SYT2: variants seen among roughly 807,000 people sequenced by gnomAD.
SYT2 encodes synaptotagmin-2.
SYT2 carries 15 observed loss-of-function variants against 39.9 expected under a neutral mutation model. The observed-to-expected ratio is 0.38, with a 90% CI of 0.25 to 0.58. The LOEUF is 0.58. Among genes scored for constraint, SYT2 ranks in the 20% least tolerant of loss-of-function variants. The pLI is 0.70. For missense variants in SYT2, 389 were observed against 530.3 expected (o/e 0.73, Z 2.62); for synonymous variants, 181 against 204.5 (o/e 0.89, Z 0.98).
rs538324691 is a variant in SYT2, at chr1:202,673,962, G to A, written c.-18+36296C>T. Among the ~76,000 whole-genome samples the A allele has an allele frequency of 1.8e-4, 27 of 152,170 alleles. 1 individual carries two copies. In the South Asian group the frequency reaches 3.7e-3, roughly 21 times the overall value. Reference sequence around the variant, plus strand: ...GTAGGAGTGGATATGGGAACCTGCCGTTACATACATGTGATATTTGTGTGT... The same window carrying A: ...GTAGGAGTGGATATGGGAACCTGCCATTACATACATGTGATATTTGTGTGT... On this transcript the variant is annotated intron_variant, in intron 1 of 8. Coordinates refer to ENST00000367268, the MANE Select transcript of SYT2 (RefSeq NM_177402.5).
chr1:202,666,839 G>A lies in SYT2; in HGVS notation c.-18+43419C>T, dbSNP rs148866187. ...TCTACCAGAAATACAAAAATTAGCC[G>A]GGTGTGATGGCAGGTGCCTGTGATC... On this transcript the variant is annotated intron_variant, in intron 1 of 8. Transcript: ENST00000367268. Among the ~76,000 whole-genome samples, 183 of 152,254 alleles carry A rather than the reference G, an allele frequency of 1.2e-3. 2 individuals carry two copies. In the Middle Eastern group the frequency reaches 0.014, roughly 11 times the overall value.
intron 1 of SYT2, among the ~76,000 whole-genome samples, chr1:202,680,750 C>T (rs1653503998): frequency 6.6e-6 from 1 of 152,150 alleles, no homozygotes; most frequent in South Asian, 2.1e-4. Flanking sequence ...AAGCCCTTGC[C>T]CCTATCCAAC....
intron 1 of SYT2, among the ~76,000 whole-genome samples, chr1:202,642,577 G>C (rs561223010): frequency 6.6e-6 from 1 of 152,178 alleles, no homozygotes; most frequent in African/African-American, 2.4e-5. Flanking sequence ...GAGCCGTGGC[G>C]CGTGTCAAAG....
chr1:202,654,008 G>A (rs1364476306), intron 1 of SYT2, among the ~76,000 whole-genome samples: 2 of 152,158 alleles, frequency 1.3e-5, no homozygotes, highest in Non-Finnish European at 2.9e-5. Context: ...GGGCTTCAAG[G>A]GCCCTGGCAG....
chr1:202,643,730 G>T lies in SYT2; in HGVS notation c.-17-37941C>A, dbSNP rs373394647. On this transcript the variant is annotated intron_variant, in intron 1 of 8. Coordinates refer to ENST00000367268, the MANE Select transcript of SYT2 (RefSeq NM_177402.5). ...AGGTGTGTGCGGGAGGGACTAGGCT[G>T]GGGGAGAGGGGTTTAAACTGGCGCG... Among the ~76,000 whole-genome samples the T allele has an allele frequency of 4.6e-5, 7 of 152,308 alleles. No individual in the cohort carries two copies. The East Asian group carries it at 5.8e-4, about 13-fold the overall frequency.
At chr1:202,683,834 T>A (rs186926875) in intron 1 of SYT2, among the ~76,000 whole-genome samples, 1 of 151,994 alleles carries the variant, frequency 6.6e-6, no homozygotes, top group Admixed American at 6.6e-5. Flanking sequence ...TTGGGGGAAA[T>A]TGAGGCATTT....
chr1:202,649,917 G>A (rs12042789), intron 1 of SYT2, among the ~76,000 whole-genome samples: 22,796 of 152,190 alleles, frequency 0.15, 2,247 homozygotes, highest in East Asian at 0.35. Context: ...GCCCAAGACC[G>A]CACAGCCAAC....
chr1:202,644,557 C>T (rs1194612621), intron 1 of SYT2, among the ~76,000 whole-genome samples: 7 of 152,138 alleles, frequency 4.6e-5, no homozygotes, highest in Admixed American at 2.0e-4. Flanking sequence ...CCCAGCTCCA[C>T]CCCATCCTCG....
chr1:202,610,692 G>A (rs1330444503), intron 1 of SYT2, among the ~76,000 whole-genome samples: 1 of 151,996 alleles, frequency 6.6e-6, no homozygotes, highest in African/African-American at 2.4e-5. Context: ...GACAAACAGA[G>A]AGCCAAATCA....
At chr1:202,650,435 C>T (rs1294608173) in intron 1 of SYT2, among the ~76,000 whole-genome samples, 1 of 143,262 alleles carries the variant, frequency 7.0e-6, no homozygotes, top group Non-Finnish European at 1.5e-5. Flanking sequence ...GTTTCATATG[C>T]TTTTGTTTTT....
rs1266292298 is a variant in SYT2, at chr1:202,601,107, C to A, written c.802-633G>T. ...AGGTTCCCAGAGGCCATGGTTTGCT[C>A]AAAGTCACACAACAATTTAGCACTG... On this transcript the variant is annotated intron_variant, in intron 6 of 8. Transcript: ENST00000367268. The surrounding 1 kb of genome is among the most constrained non-coding windows in gnomAD (Gnocchi z 4.0). Among the ~76,000 whole-genome samples the A allele has an allele frequency of 6.6e-6, 1 of 152,172 alleles. No homozygotes were observed. Among genetic ancestry groups the A allele is most frequent in the Non-Finnish European group, 1.5e-5 (1 of 68,010 alleles).
At chr1:202,684,733 T>C (rs1653618736) in intron 1 of SYT2, among the ~76,000 whole-genome samples, 1 of 152,172 alleles carries the variant, frequency 6.6e-6, no homozygotes, top group South Asian at 2.1e-4. Flanking sequence ...AGTGAGTTAC[T>C]TCCTTTGGCC....
At chr1:202,638,738 C>T (rs1443240124) in intron 1 of SYT2, among the ~76,000 whole-genome samples, 3 of 152,210 alleles carry the variant, frequency 2.0e-5, no homozygotes, top group South Asian at 2.1e-4. Context: ...AGAAACACTC[C>T]CCATCACCCT....
At position 202,650,592 on chromosome 1, in the gene SYT2, C is replaced by CA. The variant is rs142056522; in HGVS notation, c.-17-44804dup. On this transcript the variant is annotated intron_variant, in intron 1 of 8. Transcript: ENST00000367268. ...CTGGGATTTCAGGCACACACCACCA[C>CA]ACCTGGCTATGATATGTTTTTATTG... Among the ~76,000 whole-genome samples, 436 of 152,276 alleles carry CA rather than the reference C, an allele frequency of 2.9e-3. 9 individuals carry two copies. In the East Asian group the frequency reaches 0.06, roughly 21 times the overall value.
chr1:202,610,887 G>A (rs1690867588), intron 1 of SYT2, among the ~76,000 whole-genome samples: 1 of 151,878 alleles, frequency 6.6e-6, no homozygotes, highest in Non-Finnish European at 1.5e-5. Flanking sequence ...TCATGAAAAT[G>A]GCCATACTGC....
intron 1 of SYT2, among the ~76,000 whole-genome samples, chr1:202,644,727 G>GTT (rs1278986751): frequency 1.3e-5 from 2 of 151,004 alleles, no homozygotes; most frequent in Admixed American, 6.6e-5. Context: ...GTGCATGTGT[G>GTT]TTGGGGGGGG....
chr1:202,602,984 C>A lies in SYT2; in HGVS notation c.465+15G>T, dbSNP rs12727359. ...TCCCCATTCCCCCACTCTGCCCCCC[C>A]ACAGCCCTGCATACCTGATTAGCCT... On this transcript the variant is annotated intron_variant, in intron 4 of 8. Coordinates refer to ENST00000367268, the MANE Select transcript of SYT2 (RefSeq NM_177402.5). The A allele has an allele frequency of 1.2e-5, 19 of 1,571,972 alleles. No individual in the cohort carries two copies. The highest frequency in any genetic ancestry group is 1.7e-4 in the Middle Eastern group (1 of 5,930).
intron 1 of SYT2, among the ~76,000 whole-genome samples, chr1:202,663,727 G>A (rs974563877): frequency 3.3e-5 from 5 of 152,092 alleles, no homozygotes; most frequent in Admixed American, 2.6e-4. Flanking sequence ...CTCCTCTGAG[G>A]CTGGCTAAGG....
intron 1 of SYT2, among the ~76,000 whole-genome samples, chr1:202,665,562 C>T (rs1020555167): frequency 6.6e-6 from 1 of 152,176 alleles, no homozygotes; most frequent in Non-Finnish European, 1.5e-5. Flanking sequence ...GATAAAGCTA[C>T]TTTAAAAGTC....
Sources: gnomAD v4.1 joint callset for allele counts (sites outside exome capture counted in the v4.1 genomes callset) on GRCh38, gnomAD v4.1.1 for gene constraint, Gnocchi (gnomAD v3.1) non-coding constraint, MANE v1.5 for transcripts, NCBI Gene and HGNC (gene_info 2026-07-23, HGNC 2026-07-21) for gene names.